The following TLK1 variants were observed in gnomAD, a reference collection of about 807,000 sequenced individuals.
The protein encoded by TLK1 is tousled like kinase 1, also known as serine/threonine-protein kinase tousled-like 1.
Under a neutral mutation model 105.3 loss-of-function variants are expected in TLK1, and 24 were observed. That is an observed-to-expected ratio of 0.23 (90% CI 0.17 to 0.32). The LOEUF is 0.32. Ranked by LOEUF, TLK1 falls within the 10% of genes least tolerant of loss-of-function variation. TLK1 has a pLI of 1.00. For missense variants in TLK1, 558 were observed against 910.5 expected, an observed-to-expected ratio of 0.61 and a Z score of 4.98; for synonymous variants, 321 against 310.4, an observed-to-expected ratio of 1.03 and a Z score of -0.36.
chr2:171,100,216 C>A (rs1051788029), intron 2 of TLK1, among the ~76,000 whole-genome samples: 1 of 152,168 alleles, frequency 6.6e-6, no homozygotes, highest in Non-Finnish European at 1.5e-5. Context: ...TCACACATCA[C>A]CCAGAATGGT....
At chr2:171,089,277 A>G (rs1268374001) in intron 2 of TLK1, among the ~76,000 whole-genome samples, 3 of 152,188 alleles carry the variant, frequency 2.0e-5, no homozygotes, top group African/African-American at 7.2e-5. Context: ...TGTCATTTCA[A>G]CGTAGTTACA....
intron 1 of TLK1, among the ~76,000 whole-genome samples, chr2:171,180,294 T>G (rs4331471): frequency 0.049 from 7,378 of 152,056 alleles, 485 homozygotes; most frequent in East Asian, 0.3. Context: ...CAGGTCCTAA[T>G]CTGATAGGAA....
intron 8 of TLK1, among the ~76,000 whole-genome samples, chr2:171,053,176 T>G (rs1687323518): frequency 6.6e-6 from 1 of 152,208 alleles, no homozygotes; most frequent in South Asian, 2.1e-4. Context: ...ATAAAATCAA[T>G]AAACTTTAAC....
At chr2:171,003,011 A>G (rs1456219537) in intron 18 of TLK1, among the ~76,000 whole-genome samples, 2 of 151,454 alleles carry the variant, frequency 1.3e-5, no homozygotes, top group Admixed American at 1.3e-4. Flanking sequence ...GTGGTGGCTC[A>G]CGCCTGTAAT....
intron 2 of TLK1, among the ~76,000 whole-genome samples, chr2:171,112,530 TAAAG>T (rs1193873986): frequency 6.6e-6 from 1 of 152,184 alleles, no homozygotes; most frequent in Non-Finnish European, 1.5e-5. Flanking sequence ...TTACACTTAA[TAAAG>T]AACCTTCAGA....
intron 1 of TLK1, among the ~76,000 whole-genome samples, chr2:171,221,626 T>A (rs973952271): frequency 2.0e-5 from 3 of 152,150 alleles, no homozygotes; most frequent in African/African-American, 7.2e-5. Flanking sequence ...CCTTAACGAG[T>A]GACTTAAACA....
intron 3 of TLK1, among the ~76,000 whole-genome samples, chr2:171,062,706 C>G (rs1016371227): frequency 2.6e-5 from 4 of 152,204 alleles, no homozygotes; most frequent in Non-Finnish European, 5.9e-5. Flanking sequence ...CTGTATGATT[C>G]TAAGACCTAA....
chr2:171,113,998 T>C (rs1178566903), intron 2 of TLK1, among the ~76,000 whole-genome samples: 2 of 152,214 alleles, frequency 1.3e-5, no homozygotes, highest in East Asian at 3.8e-4. Context: ...AAATTATATT[T>C]ATTGTTAATA....
At position 170,991,198 on chromosome 2, in the gene TLK1, T is replaced by C. The variant is rs1032064595; in HGVS notation, c.*2582A>G. Reference sequence around the variant, plus strand: ...TTTTACCCTACATCAGTGCTGACTCTTAATAAAAGAGAGGCCTTGGCTATC... The same window carrying C: ...TTTTACCCTACATCAGTGCTGACTCCTAATAAAAGAGAGGCCTTGGCTATC... On this transcript the variant is annotated 3_prime_UTR_variant, in exon 21 of 21. Coordinates refer to ENST00000431350, the MANE Select transcript of TLK1 (RefSeq NM_012290.5). 20 of 152,166 alleles carry C rather than the reference T, an allele frequency of 1.3e-4. No individual in the cohort carries two copies. Among genetic ancestry groups the C allele is most frequent in the Admixed American group, 1.2e-3 (18 of 15,278 alleles). 9.4% of individuals were successfully genotyped at this position (152,166 alleles called of 1,614,324 possible). A position where few individuals can be genotyped will look rare whatever the true frequency, so the allele number is the denominator to read the frequency against.
intron 2 of TLK1, among the ~76,000 whole-genome samples, chr2:171,088,029 C>G (rs1689059550): frequency 6.6e-6 from 1 of 152,138 alleles, no homozygotes; most frequent in Non-Finnish European, 1.5e-5. Context: ...CTAGATCATC[C>G]TACTGCAAAA....
At chr2:171,105,135 A>G (rs1003643381) in intron 2 of TLK1, among the ~76,000 whole-genome samples, 1 of 152,242 alleles carries the variant, frequency 6.6e-6, no homozygotes. Flanking sequence ...ACAGGCAACA[A>G]AAGCAAAAAC....
intron 2 of TLK1, among the ~76,000 whole-genome samples, chr2:171,091,457 G>A (rs1275885824): frequency 2.0e-5 from 3 of 152,058 alleles, no homozygotes; most frequent in Non-Finnish European, 2.9e-5. Flanking sequence ...CCCATTTTAG[G>A]TATTCAACCT....
intron 4 of TLK1, chr2:171,060,060 A>T: frequency 6.3e-7 from 1 of 1,595,680 alleles, no homozygotes; most frequent in Non-Finnish European, 8.5e-7. Context: ...GGGAAAAAAC[A>T]CTGAAAGCCA....
Position 171,060,727 on chromosome 2 carries a change from G to T in TLK1, c.406+354C>A, listed in dbSNP as rs148865840. On this transcript the variant is annotated intron_variant, in intron 4 of 20. Coordinates refer to ENST00000431350, the MANE Select transcript of TLK1 (RefSeq NM_012290.5). ...AGAGTCTCTCATAATTATTTTGATA[G>T]CCTTTTTTTTAAATAAATGGGAAAA... Among the ~76,000 whole-genome samples the T allele has an allele frequency of 4.0e-4, 61 of 152,218 alleles. 1 individual carries two copies. In the East Asian group the frequency reaches 5.8e-3, roughly 14 times the overall value.
intron 11 of TLK1, among the ~76,000 whole-genome samples, chr2:171,042,270 G>T (rs149695738): frequency 9.4e-4 from 143 of 152,044 alleles, no homozygotes; most frequent in Non-Finnish European, 1.9e-3. Flanking sequence ...TCCCTTTGAG[G>T]CCGGGTCTCA....
At chr2:171,048,872 T>C (rs1324730569) in intron 10 of TLK1, among the ~76,000 whole-genome samples, 1 of 152,192 alleles carries the variant, frequency 6.6e-6, no homozygotes, top group Non-Finnish European at 1.5e-5. Flanking sequence ...TACTCCCCAT[T>C]TTCAGGTTTA....
intron 4 of TLK1, chr2:171,059,964 G>C: frequency 6.2e-7 from 1 of 1,609,314 alleles, no homozygotes; most frequent in East Asian, 2.2e-5. Flanking sequence ...CCAAGGACTG[G>C]AAGACCGGGA....
rs531862409 is a variant in TLK1 at position 171,181,846 on chromosome 2, G to A, written c.-6+49299C>T. Among the ~76,000 whole-genome samples, 17 of 150,800 alleles carry A rather than the reference G, an allele frequency of 1.1e-4. No individual in the cohort carries two copies. In the East Asian group the frequency reaches 2.1e-3, roughly 19 times the overall value. ...CGAAGGGGTAGAGCATTCAAACTAC[G>A]GCAGTCCTTCTCTCTCTCCATCTCC... On this transcript the variant is annotated intron_variant, in intron 1 of 20. Coordinates refer to the TLK1 transcript ENST00000521943.
intron 2 of TLK1, among the ~76,000 whole-genome samples, chr2:171,117,166 A>T (rs928423481): frequency 6.6e-6 from 1 of 152,224 alleles, no homozygotes; most frequent in African/African-American, 2.4e-5. Flanking sequence ...GTTCTACCTC[A>T]TATCAGGCAT....
Sources: gnomAD v4.1 joint callset for allele counts (sites outside exome capture counted in the v4.1 genomes callset) on GRCh38, gnomAD v4.1.1 for gene constraint, MANE v1.5 for transcripts, NCBI Gene and HGNC (gene_info 2026-07-23, HGNC 2026-07-21) for gene names.